Variants in DDRGK1 observed in about 807,000 individuals in gnomAD.
The protein encoded by DDRGK1 is DDRGK domain-containing protein 1.
Under a neutral mutation model 45.8 loss-of-function variants are expected in DDRGK1, and 38 were observed. That is an observed-to-expected ratio of 0.83 (90% CI 0.64 to 1.09). DDRGK1 has a LOEUF of 1.09. DDRGK1 is among the 50% of genes least tolerant of loss of function. The probability of loss-of-function intolerance (pLI) is 0.00; values close to 1 mark genes in which losing one functional copy is unlikely to be tolerated. For synonymous variants in DDRGK1, 171 were observed against 168.7 expected, an observed-to-expected ratio of 1.01 and a Z score of -0.11; for missense variants, 403 against 419.9, an observed-to-expected ratio of 0.96 and a Z score of 0.35.
At chr20:3,191,060 A>C in intron 8 of DDRGK1, 130 bp downstream of exon 8, 1 of 1,277,184 alleles carries the variant, frequency 7.8e-7, no homozygotes, top group Non-Finnish European at 1.1e-6. Context: ...CCAGCTACTC[A>C]GTGCCCCTCC....
chr20:3,196,293 GGTCT>G (rs1174434718), intron 4 of DDRGK1, among the ~76,000 whole-genome samples: 4 of 152,182 alleles, frequency 2.6e-5, no homozygotes, highest in Non-Finnish European at 5.9e-5. Context: ...AAAACTCCCT[GGTCT>G]GTCTATGTTG....
chr20:3,203,747 A>C lies in DDRGK1; in HGVS notation c.92-331T>G, dbSNP rs565540625. On this transcript the variant is annotated intron_variant, in intron 1 of 8. Transcript: ENST00000354488. The stretch of plus-strand genomic sequence containing the variant: ...CAGGAATCCACTGATTTCTCGCCTA[A>C]CACCACCTGTGGTTTTATCTGGCTC... Among the ~76,000 whole-genome samples, 30 of 152,258 alleles carry C rather than the reference A, an allele frequency of 2.0e-4. No individual in the cohort carries two copies. The East Asian group carries it at 5.0e-3, about 26-fold the overall frequency.
intron 4 of DDRGK1, 61 bp from the exon 5 acceptor site, chr20:3,195,414 G>A (rs113297142): frequency 6.6e-7 from 1 of 1,522,468 alleles, no homozygotes; most frequent in Non-Finnish European, 8.8e-7. Context: ...CACCTGTTCT[G>A]GTTGCTGCTA....
chr20:3,192,453 G>A (rs2066993770), intron 6 of DDRGK1, among the ~76,000 whole-genome samples: 2 of 152,182 alleles, frequency 1.3e-5, no homozygotes, highest in South Asian at 4.1e-4. Context: ...AGAGGCTGTG[G>A]GGGCCCACTC....
Position 3,192,660 on chromosome 20 carries a change from T to G in DDRGK1, c.673-839A>C, listed in dbSNP as rs372547330. ...CTTCTTCATACCCTCAGTAGAAACC[T>G]GAGTTCCCAAGGGCGCAGCGAAGGG... On this transcript the variant is annotated intron_variant, in intron 6 of 8. Coordinates refer to ENST00000354488, the MANE Select transcript of DDRGK1 (RefSeq NM_023935.3). 2.4e-3 allele frequency among the ~76,000 whole-genome samples: 358 copies of G among 152,286 alleles called. 2 individuals carry two copies. The highest frequency in any genetic ancestry group is 7.8e-3 in the African/African-American group (323 of 41,552).
intron 2 of DDRGK1, 91 bp from the exon 3 acceptor site, chr20:3,200,545 G>GGA: frequency 1.1e-5 from 13 of 1,193,296 alleles, no homozygotes; most frequent in South Asian, 1.4e-5. Context: ...CCCTAACAGG[G>GGA]GGATCCCCTT....
Position 3,194,575 on chromosome 20 carries a change from G to T in DDRGK1, c.672+255C>A, listed in dbSNP as rs116150453. On this transcript the variant is annotated intron_variant, in intron 6 of 8. Transcript: ENST00000354488. Reference sequence around the variant, plus strand: ...CACTGAGCGTGGGGTCTGAAGAGCAGGGAAACTGTCAAACTGAGTGTGAGG... The same window carrying T: ...CACTGAGCGTGGGGTCTGAAGAGCATGGAAACTGTCAAACTGAGTGTGAGG... Among the ~76,000 whole-genome samples the T allele has an allele frequency of 8.2e-3, 1,255 of 152,362 alleles. 21 individuals carry two copies. Among genetic ancestry groups the T allele is most frequent in the African/African-American group, 0.028 (1,182 of 41,584 alleles).
At chr20:3,197,520 G>A (rs892561997) in intron 4 of DDRGK1, among the ~76,000 whole-genome samples, 2 of 152,188 alleles carry the variant, frequency 1.3e-5, no homozygotes, top group Non-Finnish European at 2.9e-5. Context: ...CATTGAAGAT[G>A]GAACTTCACT....
intron 2 of DDRGK1, 74 bp from the exon 3 acceptor site, chr20:3,200,528 G>A (rs2067032257): frequency 3.9e-5 from 53 of 1,357,300 alleles, no homozygotes; most frequent in South Asian, 3.8e-4. Flanking sequence ...CCAACCCCTC[G>A]TCCCTCCCCT....
intron 5 of DDRGK1, 40 bp from the exon 6 acceptor site, chr20:3,194,908 A>G (rs1469708169): frequency 1.2e-6 from 2 of 1,610,786 alleles, no homozygotes; most frequent in Non-Finnish European, 1.7e-6. Flanking sequence ...CCCCCTAGCA[A>G]GCCCACAGGG....
At chr20:3,196,575 G>A (rs566296611) in intron 4 of DDRGK1, among the ~76,000 whole-genome samples, 4 of 152,058 alleles carry the variant, frequency 2.6e-5, no homozygotes, top group Admixed American at 6.5e-5. Context: ...CAGCTACTCG[G>A]GAGGCTGAGG....
At chr20:3,193,162 CAGG>C (rs1423385857) in intron 6 of DDRGK1, among the ~76,000 whole-genome samples, 1 of 152,196 alleles carries the variant, frequency 6.6e-6, no homozygotes, top group Admixed American at 6.5e-5. Context: ...CATGGTCAGA[CAGG>C]AGAATGGAAC....
intron 4 of DDRGK1, among the ~76,000 whole-genome samples, chr20:3,196,459 C>T (rs890051175): frequency 4.0e-5 from 6 of 151,514 alleles, no homozygotes; most frequent in East Asian, 3.9e-4. Flanking sequence ...GGGCGGATCA[C>T]GAGGTCAGGA....
intron 2 of DDRGK1, among the ~76,000 whole-genome samples, 172 bp from the exon 3 acceptor site, chr20:3,200,626 T>C (rs1041759767): frequency 6.6e-6 from 1 of 152,174 alleles, no homozygotes. Context: ...CGTGTGTGTG[T>C]GTGCATGAAT....
At chr20:3,204,233 G>A (rs2067055214) in intron 1 of DDRGK1, among the ~76,000 whole-genome samples, 1 of 152,220 alleles carries the variant, frequency 6.6e-6, no homozygotes, top group Admixed American at 6.5e-5. Context: ...GGGCCCCGAC[G>A]GTGACGGATG....
rs374433462 is a variant in DDRGK1, at chr20:3,204,485, A to G, written c.91+52T>C. ...GCGGCGCGACGGTCCACAAAGGCTC[A>G]GAAGGCCAGAAAACCCGGTACCACC... On this transcript the variant is annotated intron_variant, in intron 1 of 8. Coordinates refer to ENST00000354488, the MANE Select transcript of DDRGK1 (RefSeq NM_023935.3). The G allele has an allele frequency of 2.2e-5, 33 of 1,521,256 alleles. No individual in the cohort carries two copies. The South Asian group carries it at 3.7e-4, about 17-fold the overall frequency. 94.2% of individuals were successfully genotyped at this position (1,521,256 alleles called of 1,614,324 possible). A position where few individuals can be genotyped will look rare whatever the true frequency, so the allele number is the denominator to read the frequency against.
Position 3,196,526 on chromosome 20 carries a change from A to AT in DDRGK1, c.511-1174_511-1173insA, listed in dbSNP as rs1236359606. On this transcript the variant is annotated intron_variant, in intron 4 of 8. Coordinates refer to ENST00000354488, the MANE Select transcript of DDRGK1 (RefSeq NM_023935.3). ...CCCTGTCTCCACTAAAAATACAAAA[A>AT]AAAAATTAGCCGGGCGTGGTGGTGG... Among the ~76,000 whole-genome samples the AT allele has an allele frequency of 2.7e-5, 4 of 148,602 alleles. No individual in the cohort carries two copies. The East Asian group carries it at 8.0e-4, about 30-fold the overall frequency.
intron 6 of DDRGK1, 32 bp from the exon 7 acceptor site, chr20:3,191,853 C>A: frequency 1.3e-6 from 2 of 1,588,636 alleles, no homozygotes; most frequent in Non-Finnish European, 1.7e-6. Context: ...GAAAGAGAGG[C>A]TGAGCTTGGG....
At chr20:3,204,016 G>T (rs913877467) in intron 1 of DDRGK1, among the ~76,000 whole-genome samples, 7 of 152,204 alleles carry the variant, frequency 4.6e-5, no homozygotes, top group South Asian at 2.1e-4. Flanking sequence ...CCTTCTGATC[G>T]GGGAGCGGAT....
Sources: allele counts gnomAD v4.1 joint callset (sites outside exome capture counted in the v4.1 genomes callset), GRCh38; gene constraint gnomAD v4.1.1; transcripts MANE v1.5; gene names NCBI Gene and HGNC (gene_info 2026-07-23, HGNC 2026-07-21).